The following DOCK8 variants were observed in gnomAD, a reference collection of about 807,000 sequenced individuals.
DOCK8 encodes the protein dedicator of cytokinesis protein 8.
DOCK8 carries 141 observed loss-of-function variants against 245.6 expected under a neutral mutation model. The ratio of observed to expected loss-of-function variants is 0.57; its 90% CI spans 0.50 to 0.66. The LOEUF is 0.66. Among genes scored for constraint, DOCK8 ranks in the 30% least tolerant of loss-of-function variants. DOCK8 has a pLI of 0.00. For missense variants in DOCK8, 2,965 were observed against 2,603.4 expected, an observed-to-expected ratio of 1.14 and a Z score of -3.02; for synonymous variants, 1,168 against 970.2, an observed-to-expected ratio of 1.20 and a Z score of -3.79.
Position 368,027 on chromosome 9 carries a change from C to A in DOCK8, c.1689C>A (p.Leu563=), listed in dbSNP as rs374343164. Residue 563 remains leucine (L), a synonymous_variant, in exon 15 of 48, where the codon CTC becomes CTA. Transcript: ENST00000432829. ...ATCTCTTCTTTTCCAGAAACCTTCTCTATGTCTACCCACAGAGGCTGAACT... is the reference window on the plus strand; with the variant it reads ...ATCTCTTCTTTTCCAGAAACCTTCTATATGTCTACCCACAGAGGCTGAACT... ...YVPHTVYRNL[L]YVYPQRLNFV... is the part of the protein sequence containing the mutation. 2 of 1,613,494 alleles carry A rather than the reference C, an allele frequency of 1.2e-6. No individual in the cohort carries two copies. The highest frequency in any genetic ancestry group is 2.2e-5 in the South Asian group (2 of 91,054).
At chr9:417,617 T>C (rs2056084770) in intron 29 of DOCK8, among the ~76,000 whole-genome samples, 1 of 152,250 alleles carries the variant, frequency 6.6e-6, no homozygotes, top group Admixed American at 6.5e-5. Flanking sequence ...CTATATTACA[T>C]AGATACAATA....
intron 7 of DOCK8, among the ~76,000 whole-genome samples, chr9:323,161 A>T (rs936460945): frequency 1.3e-5 from 2 of 151,424 alleles, no homozygotes; most frequent in Non-Finnish European, 2.9e-5. Flanking sequence ...ATAATCATAG[A>T]AATCCTCAAC....
Position 332,417 on chromosome 9 carries a change from A to T in DOCK8, c.1064A>T (p.Gln355Leu). ...LVVKIEKVLQ[Q>L]GEIGDCAEPY... ...TGGTAGATTGAAAAAGTCCTGCAGC[A>T]GGGAGAGATTGGAGACTGTGCAGAG... The change falls in exon 10 of 48, where the codon CAG becomes CTG. Residue 355 changes from glutamine (Q) to leucine (L), a missense_variant. Physicochemically the swap from Gln to Leu is moderately radical, Grantham distance 113. Around this residue, in one of 3 missense-constraint regions of DOCK8, gnomAD observed 2,825 missense variants for 2,453.5 expected, o/e 1.15. Transcript: ENST00000432829. 6.2e-7 allele frequency: 1 copy of T among 1,612,668 alleles called. No individual in the cohort carries two copies. The highest frequency in any genetic ancestry group is 8.5e-7 in the Non-Finnish European group (1 of 1,178,822).
chr9:287,460 C>T (rs1205524439), intron 3 of DOCK8, among the ~76,000 whole-genome samples: 1 of 152,240 alleles, frequency 6.6e-6, no homozygotes, highest in Non-Finnish European at 1.5e-5. Flanking sequence ...TCCATCTTCT[C>T]ATCTTCCCCA....
chr9:410,410 A>G (rs1017039815), intron 28 of DOCK8, among the ~76,000 whole-genome samples: 1 of 151,966 alleles, frequency 6.6e-6, no homozygotes, highest in Non-Finnish European at 1.5e-5. Context: ...TTTCAACTGT[A>G]TGTCATATTC....
rs376791111 is a variant in DOCK8, at chr9:328,080, C to T, written c.953C>T (p.Ala318Val). 23 of 1,614,204 alleles carry T rather than the reference C, an allele frequency of 1.4e-5. No individual in the cohort carries two copies. In the South Asian group the frequency reaches 2.0e-4, roughly 14 times the overall value. ...NSDQFKGFLR[A>V]HTPSVAASSQ... ...GACCAGTTCAAAGGATTTCTGCGAG[C>T]TCACACGCCTTCAGTGGCCGCATCA... The change falls in exon 9 of 48, where the codon GCT becomes GTT. Residue 318 changes from alanine (A) to valine (V), a missense_variant. Transcript: ENST00000432829.
intron 13 of DOCK8, among the ~76,000 whole-genome samples, chr9:339,759 C>T (rs1186596691): frequency 6.6e-6 from 1 of 152,234 alleles, no homozygotes; most frequent in African/African-American, 2.4e-5. Flanking sequence ...CGTGATCCAC[C>T]TGCCTCGGCC....
At chr9:281,576 ACT>A (rs1361151687) in intron 2 of DOCK8, among the ~76,000 whole-genome samples, 1 of 150,244 alleles carries the variant, frequency 6.7e-6, no homozygotes, top group Non-Finnish European at 1.5e-5. Flanking sequence ...TGCCACTGTA[ACT>A]CTCTCCAATA....
chr9:232,912 T>C (rs968439008), intron 1 of DOCK8, among the ~76,000 whole-genome samples: 29 of 152,344 alleles, frequency 1.9e-4, no homozygotes, highest in African/African-American at 6.0e-4. Context: ...TCTGCTCTGA[T>C]CTTAGTTATT....
intron 46 of DOCK8, among the ~76,000 whole-genome samples, chr9:453,515 T>C (rs2057531750): frequency 6.6e-6 from 1 of 152,142 alleles, no homozygotes; most frequent in Non-Finnish European, 1.5e-5. Flanking sequence ...CAACCTCCAC[T>C]TCCCAGGCTC....
At chr9:433,732 G>T in intron 37 of DOCK8, 143 bp from the exon 38 acceptor site, 1 of 716,368 alleles carries the variant, frequency 1.4e-6, no homozygotes, top group Non-Finnish European at 2.5e-6. Flanking sequence ...ACAGAGTCAG[G>T]TCTAGATGAC....
intron 14 of DOCK8, among the ~76,000 whole-genome samples, 153 bp from the exon 15 acceptor site, chr9:367,865 G>A (rs190570626): frequency 6.6e-6 from 1 of 152,254 alleles, no homozygotes; most frequent in East Asian, 1.9e-4. Context: ...GAAGAATCAA[G>A]TAATTCACTC....
At chr9:388,329 G>A (rs1586869571) in intron 23 of DOCK8, among the ~76,000 whole-genome samples, 3 of 152,142 alleles carry the variant, frequency 2.0e-5, no homozygotes, top group African/African-American at 7.2e-5. Context: ...ATTAAGGTTT[G>A]ACTAACCTCA....
At chr9:324,610 T>C (rs2130798918) in intron 7 of DOCK8, among the ~76,000 whole-genome samples, 1 of 152,294 alleles carries the variant, frequency 6.6e-6, no homozygotes, top group Admixed American at 6.5e-5. Context: ...CCCAGGCACC[T>C]CAGTGTTTAT....
At chr9:433,631 G>A (rs1016689957) in intron 37 of DOCK8, among the ~76,000 whole-genome samples, 1 of 152,192 alleles carries the variant, frequency 6.6e-6, no homozygotes, top group African/African-American at 2.4e-5. Flanking sequence ...TGGAGATAGA[G>A]ATAGTATGAG....
chr9:405,539 A>G (rs2055375318), intron 27 of DOCK8, among the ~76,000 whole-genome samples: 1 of 152,216 alleles, frequency 6.6e-6, no homozygotes, highest in Non-Finnish European at 1.5e-5. Context: ...GGAGGTGTGC[A>G]TGATAAGCAG....
In DOCK8 at chr9:396,854, G is replaced by T. The variant is rs1361221950; in HGVS notation, c.3040G>T (p.Asp1014Tyr). 1 of 1,613,962 alleles carries T rather than the reference G, an allele frequency of 6.2e-7. No homozygotes were observed. Among genetic ancestry groups the T allele is most frequent in the Non-Finnish European group, 8.5e-7 (1 of 1,180,030 alleles). Residue 1014 changes from aspartate (D) to tyrosine (Y), a missense_variant, in exon 25 of 48, where the codon GAC (aspartate) becomes TAC (tyrosine). Asp to Tyr is a radical substitution (Grantham distance 160). Coordinates refer to ENST00000432829, the MANE Select transcript of DOCK8 (RefSeq NM_203447.4). ...RDSFRRTRFS[D>Y]RFMDDITTIV... ...CAGTTTTCGGAGGACTCGTTTTTCT[G>T]ACCGTTTCATGGATGACATAACTAC...
Position 390,292 on chromosome 9 carries a change from G to T in DOCK8, c.2875-179G>T, listed in dbSNP as rs147577350. The stretch of plus-strand genomic sequence containing the variant: ...CTTCTATGCACCGAAATGTCCTCCA[G>T]TCTCAGGTGATCTCAGCACTGACTT... On this transcript the variant is annotated intron_variant, in intron 23 of 47. Coordinates refer to ENST00000432829, the MANE Select transcript of DOCK8 (RefSeq NM_203447.4). Among the ~76,000 whole-genome samples, 58 of 152,296 alleles carry T rather than the reference G, an allele frequency of 3.8e-4. No homozygotes were observed. Among genetic ancestry groups the T allele is most frequent in the African/African-American group, 1.3e-3 (55 of 41,566 alleles).
rs1380504794 is a variant in DOCK8, at chr9:432,281, C to T, written c.4742C>T (p.Ser1581Leu). The change falls in exon 37 of 48, where the codon TCA (serine) becomes TTA (leucine). Residue 1581 changes from serine to leucine, a missense_variant. This residue lies in a region of DOCK8 where 2,825 missense variants were observed against 2,453.5 expected (regional missense o/e 1.15). Coordinates refer to ENST00000432829, the MANE Select transcript of DOCK8 (RefSeq NM_203447.4). The stretch of plus-strand genomic sequence containing the variant: ...TCCTTGAGGACAATTTTGGCCTATT[C>T]AGAAGAGGACACAGCCATGCAGATG... ...RRSLRTILAY[S>L]EEDTAMQMTP... is the part of the protein sequence containing the mutation. 7 of 1,613,836 alleles carry T rather than the reference C, an allele frequency of 4.3e-6. No individual in the cohort carries two copies. Among genetic ancestry groups the T allele is most frequent in the African/African-American group, 1.3e-5 (1 of 74,820 alleles).
Sources: allele counts gnomAD v4.1 joint callset (sites outside exome capture counted in the v4.1 genomes callset), GRCh38; gene constraint gnomAD v4.1.1; regional missense constraint gnomAD v4.1.1; transcripts MANE v1.5; gene names NCBI Gene and HGNC (gene_info 2026-07-23, HGNC 2026-07-21).